The following NEGR1 variants were observed in gnomAD, a reference collection of about 807,000 sequenced individuals.
NEGR1 encodes the protein neuronal growth regulator 1, also known as IgLON family member 4.
Under a neutral mutation model 40.9 loss-of-function variants are expected in NEGR1, and 10 were observed. The observed-to-expected ratio is 0.24, with a 90% confidence interval of 0.15 to 0.42. NEGR1 has a LOEUF of 0.42. NEGR1 is among the 10% of genes least tolerant of loss of function. The pLI, the probability that NEGR1 is intolerant of heterozygous loss-of-function variation, is 1.00. For synonymous variants in NEGR1, 185 were observed against 166.8 expected, an observed-to-expected ratio of 1.11 and a Z score of -0.84; for missense variants, 352 against 438.9, an observed-to-expected ratio of 0.80 and a Z score of 1.77.
intron 6 of NEGR1, among the ~76,000 whole-genome samples, chr1:71,533,017 T>A (rs1647402382): frequency 6.6e-6 from 1 of 151,582 alleles, no homozygotes; most frequent in Non-Finnish European, 1.5e-5. Flanking sequence ...ACACAGATGG[T>A]CTTTGATATG....
chr1:71,985,063 A>G (rs1192900843), intron 1 of NEGR1, among the ~76,000 whole-genome samples: 3 of 152,272 alleles, frequency 2.0e-5, no homozygotes, highest in South Asian at 2.1e-4. Context: ...TAAATGGTAA[A>G]GCCAGATTTT....
chr1:72,219,571 A>G (rs2100479405), intron 1 of NEGR1, among the ~76,000 whole-genome samples: 1 of 152,184 alleles, frequency 6.6e-6, no homozygotes, highest in East Asian at 1.9e-4. Flanking sequence ...ATATTCAAAC[A>G]TATTAAAATT....
chr1:72,170,529 C>A (rs1049020407), intron 1 of NEGR1, among the ~76,000 whole-genome samples: 1 of 152,122 alleles, frequency 6.6e-6, no homozygotes, highest in Non-Finnish European at 1.5e-5. Context: ...TAAGCTTTAT[C>A]ATTCTTGAAA....
At chr1:72,191,555 C>A (rs1652821112) in intron 1 of NEGR1, among the ~76,000 whole-genome samples, 1 of 151,756 alleles carries the variant, frequency 6.6e-6, no homozygotes, top group South Asian at 2.1e-4. Flanking sequence ...TGATAATAAA[C>A]ATCCATAGGG....
At chr1:71,426,780 T>C (rs1475074072) in intron 6 of NEGR1, among the ~76,000 whole-genome samples, 3 of 152,172 alleles carry the variant, frequency 2.0e-5, no homozygotes, top group Non-Finnish European at 4.4e-5. Context: ...CCTATCTGTT[T>C]TCAAAAGCTA....
chr1:71,881,300 C>T (rs1473015190), intron 2 of NEGR1, among the ~76,000 whole-genome samples: 2 of 152,056 alleles, frequency 1.3e-5, no homozygotes, highest in South Asian at 2.1e-4. Flanking sequence ...CTCTCTGCTT[C>T]GTAGCAAATT....
intron 6 of NEGR1, among the ~76,000 whole-genome samples, chr1:71,474,394 C>T (rs1249468297): frequency 2.0e-5 from 3 of 149,632 alleles, no homozygotes; most frequent in Non-Finnish European, 4.4e-5. Context: ...TGTTCAGGGC[C>T]AGGAGGGGTG....
chr1:71,719,495 T>C (rs1285717057), intron 3 of NEGR1, among the ~76,000 whole-genome samples: 1 of 152,064 alleles, frequency 6.6e-6, no homozygotes, highest in African/African-American at 2.4e-5. Flanking sequence ...TGGCTAAGAA[T>C]GGATGCAAAG....
intron 1 of NEGR1, among the ~76,000 whole-genome samples, chr1:71,977,754 A>G (rs908713701): frequency 1.7e-4 from 25 of 149,232 alleles, no homozygotes; most frequent in African/African-American, 6.0e-4. Flanking sequence ...TCTAAGGAAA[A>G]TAGTAGAAAA....
At chr1:72,267,937 G>C (rs1364631655) in intron 1 of NEGR1, among the ~76,000 whole-genome samples, 1 of 151,028 alleles carries the variant, frequency 6.6e-6, no homozygotes, top group Non-Finnish European at 1.5e-5. Flanking sequence ...GAAAATCCAT[G>C]TATAAAAGTA....
chr1:72,231,986 A>G (rs1222387871), intron 1 of NEGR1, among the ~76,000 whole-genome samples: 1 of 152,120 alleles, frequency 6.6e-6, no homozygotes, highest in African/African-American at 2.4e-5. Context: ...TTTAGCTCAT[A>G]TGGGGACATT....
intron 1 of NEGR1, among the ~76,000 whole-genome samples, chr1:72,062,622 T>C (rs560702843): frequency 1.3e-5 from 2 of 152,040 alleles, no homozygotes; most frequent in African/African-American, 4.8e-5. Flanking sequence ...ATTCCCAAAA[T>C]ACATGTGTAT....
intron 5 of NEGR1, among the ~76,000 whole-genome samples, chr1:71,606,516 T>G (rs1650080947): frequency 6.6e-6 from 1 of 152,184 alleles, no homozygotes; most frequent in South Asian, 2.1e-4. Flanking sequence ...TTGGGTTAAT[T>G]TGTTACTTAG....
At chr1:72,135,421 C>CCAAAAAAAAAAAAAAAAAAAAAAA (rs1557544374) in intron 1 of NEGR1, among the ~76,000 whole-genome samples, 1 of 42,172 alleles carries the variant, frequency 2.4e-5, no homozygotes, top group Admixed American at 3.6e-4. Flanking sequence ...AAAAACAAAA[C>CCAAAAAAAAAAAAAAAAAAAAAAA]CAAAAAAAAA....
chr1:71,993,719 G>A lies in NEGR1; in HGVS notation c.177-58408C>T, dbSNP rs541177962. 1.8e-3 allele frequency among the ~76,000 whole-genome samples: 269 copies of A among 152,114 alleles called. 3 individuals are homozygous for A. The highest frequency in any genetic ancestry group is 2.5e-3 in the Non-Finnish European group (171 of 67,970). Reference sequence around the variant, plus strand: ...TCTATGTAGTCACATTATAAAGCAGGAATTATTGTATCTATTGTATAGATG... The same window carrying A: ...TCTATGTAGTCACATTATAAAGCAGAAATTATTGTATCTATTGTATAGATG... On this transcript the variant is annotated intron_variant, in intron 1 of 6. Coordinates refer to ENST00000357731, the MANE Select transcript of NEGR1 (RefSeq NM_173808.3).
intron 6 of NEGR1, among the ~76,000 whole-genome samples, chr1:71,527,244 A>G (rs1428790154): frequency 6.6e-6 from 1 of 151,574 alleles, no homozygotes; most frequent in Non-Finnish European, 1.5e-5. Context: ...TCACACATTC[A>G]GATGCTCAAT....
chr1:72,092,770 C>T (rs550518422), intron 1 of NEGR1, among the ~76,000 whole-genome samples: 1 of 152,182 alleles, frequency 6.6e-6, no homozygotes, highest in African/African-American at 2.4e-5. Context: ...ACCACCTCAG[C>T]CTCCCAAGTG....
chr1:71,632,158 G>A (rs900778448), intron 4 of NEGR1, among the ~76,000 whole-genome samples: 35 of 151,614 alleles, frequency 2.3e-4, no homozygotes, highest in African/African-American at 8.2e-4. Context: ...GCAGAGAACT[G>A]TAAATATGGA....
intron 3 of NEGR1, among the ~76,000 whole-genome samples, chr1:71,744,272 T>C (rs1655309808): frequency 1.6e-5 from 2 of 125,390 alleles, no homozygotes; most frequent in Non-Finnish European, 3.5e-5. Context: ...ATAATATGTT[T>C]ATGACAAATA....
Sources: gnomAD v4.1 joint callset for allele counts (sites outside exome capture counted in the v4.1 genomes callset) on GRCh38, gnomAD v4.1.1 for gene constraint, MANE v1.5 for transcripts, NCBI Gene and HGNC (gene_info 2026-07-23, HGNC 2026-07-21) for gene names.